DCLK2: variants seen among roughly 807,000 people sequenced by gnomAD.
The protein encoded by DCLK2 is serine/threonine-protein kinase DCLK2.
DCLK2 carries 31 observed loss-of-function variants against 78.4 expected under a neutral mutation model. The ratio of observed to expected loss-of-function variants is 0.40; its 90% CI spans 0.30 to 0.53. DCLK2 has a LOEUF of 0.53. Ranked by LOEUF, DCLK2 falls within the 20% of genes least tolerant of loss-of-function variation. DCLK2 has a pLI of 0.61. For synonymous variants in DCLK2, 407 were observed against 374.9 expected (o/e 1.09, Z -0.99); for missense variants, 872 against 973.7 (o/e 0.90, Z 1.39).
At chr4:150,242,192 G>A (rs528231168) in intron 12 of DCLK2, among the ~76,000 whole-genome samples, 37 of 152,258 alleles carry the variant, frequency 2.4e-4, no homozygotes, top group Non-Finnish European at 4.0e-4. Context: ...AAAGCCTTAT[G>A]CTATAGATAA....
At chr4:150,108,436 C>T (rs551942103) in intron 2 of DCLK2, among the ~76,000 whole-genome samples, 5 of 151,490 alleles carry the variant, frequency 3.3e-5, no homozygotes, top group South Asian at 4.2e-4. Flanking sequence ...CCCAGCTACA[C>T]GGGAGGCTGA....
intron 2 of DCLK2, among the ~76,000 whole-genome samples, chr4:150,175,195 C>CTA (rs1446507759): frequency 1.2e-5 from 1 of 81,190 alleles, no homozygotes; most frequent in African/African-American, 5.8e-5. Flanking sequence ...TATAATTTAT[C>CTA]TATATATATT....
In DCLK2 at chr4:150,166,511, A is replaced by C. The variant is rs183849603; in HGVS notation, c.757-26627A>C. 1.5e-4 allele frequency among the ~76,000 whole-genome samples: 23 copies of C among 152,186 alleles called. No homozygotes were observed. The East Asian group carries it at 4.3e-3, about 28-fold the overall frequency. ...CCTGTCTCAAAAAAAAGTACAAAAA[A>C]CAAAAACCGATATTCTACTTGTCCC... is the stretch of plus-strand genomic sequence containing the variant. On this transcript the variant is annotated intron_variant, in intron 2 of 15. Coordinates refer to ENST00000296550, the MANE Select transcript of DCLK2 (RefSeq NM_001040260.4).
chr4:150,194,485 A>G (rs1170857890), intron 3 of DCLK2, among the ~76,000 whole-genome samples: 1 of 151,894 alleles, frequency 6.6e-6, no homozygotes, highest in South Asian at 2.1e-4. Flanking sequence ...TTTTGCCAAT[A>G]TATGGCATTT....
intron 2 of DCLK2, among the ~76,000 whole-genome samples, chr4:150,120,352 A>G (rs1732431182): frequency 6.6e-6 from 1 of 152,174 alleles, no homozygotes; most frequent in South Asian, 2.1e-4. Flanking sequence ...CAGTTTAAGA[A>G]GCTCTCCTAT....
At chr4:150,166,342 A>G (rs1386801660) in intron 2 of DCLK2, among the ~76,000 whole-genome samples, 3 of 147,468 alleles carry the variant, frequency 2.0e-5, no homozygotes, top group Admixed American at 6.6e-5. Flanking sequence ...ATTTTTAAAA[A>G]AATTAGCCAG....
chr4:150,123,158 C>T (rs370743608), intron 2 of DCLK2, among the ~76,000 whole-genome samples: 1 of 152,268 alleles, frequency 6.6e-6, no homozygotes, highest in African/African-American at 2.4e-5. Flanking sequence ...CTTCATAACT[C>T]AACTGTTTGG....
intron 10 of DCLK2, among the ~76,000 whole-genome samples, chr4:150,238,444 A>T (rs923726781): frequency 6.6e-6 from 1 of 152,182 alleles, no homozygotes; most frequent in Non-Finnish European, 1.5e-5. Flanking sequence ...GGTTTTGAGA[A>T]GTAGACTTAT....
At chr4:150,138,771 ATTC>A (rs1245322588) in intron 2 of DCLK2, among the ~76,000 whole-genome samples, 2 of 151,960 alleles carry the variant, frequency 1.3e-5, no homozygotes, top group Non-Finnish European at 2.9e-5. Flanking sequence ...GGTTCAAGCA[ATTC>A]TTCTGCCTCA....
At chr4:150,199,350 C>T (rs1215803486) in intron 4 of DCLK2, among the ~76,000 whole-genome samples, 1 of 152,212 alleles carries the variant, frequency 6.6e-6, no homozygotes, top group East Asian at 1.9e-4. Flanking sequence ...AGGGGTCCAT[C>T]TTCTAGTTAA....
In DCLK2 at chr4:150,175,941, T is replaced by C. The variant is rs141776778; in HGVS notation, c.757-17197T>C. On this transcript the variant is annotated intron_variant, in intron 2 of 15. Transcript: ENST00000296550. Reference sequence around the variant, plus strand: ...CTCCTGCACTGAGGTCTACACGGGCTCCCATTTATCTTTGCCTGTGCTGTA... The same window carrying C: ...CTCCTGCACTGAGGTCTACACGGGCCCCCATTTATCTTTGCCTGTGCTGTA... 1.0e-2 allele frequency among the ~76,000 whole-genome samples: 1,518 copies of C among 152,304 alleles called. 27 individuals are homozygous for C. The highest frequency in any genetic ancestry group is 0.034 in the African/African-American group (1,429 of 41,562).
intron 8 of DCLK2, among the ~76,000 whole-genome samples, chr4:150,225,838 G>A (rs1424874161): frequency 6.6e-6 from 1 of 152,042 alleles, no homozygotes; most frequent in East Asian, 1.9e-4. Context: ...TGTATTCCTG[G>A]CCCTGCCTCT....
In DCLK2 at chr4:150,091,985, C is replaced by A. The variant is rs1441083143; in HGVS notation, c.422-10493C>A. ...CTCCCATTTTCTCTTCCCCTCACCC[C>A]CTGGCAAACACTATTCTAGTCTCTG... On this transcript the variant is annotated intron_variant, in intron 1 of 15. Coordinates refer to ENST00000296550, the MANE Select transcript of DCLK2 (RefSeq NM_001040260.4). Among the ~76,000 whole-genome samples, 4 of 152,220 alleles carry A rather than the reference C, an allele frequency of 2.6e-5. No individual in the cohort carries two copies. The East Asian group carries it at 7.7e-4, about 29-fold the overall frequency.
chr4:150,232,322 C>A lies in DCLK2; in HGVS notation c.1300-15C>A. ...TGTGATTTCTGATCTCCTCTCTATACCGTTCATTTGACAGGAACACCTGAT... is the reference window on the plus strand; with the variant it reads ...TGTGATTTCTGATCTCCTCTCTATAACGTTCATTTGACAGGAACACCTGAT... On this transcript the variant is annotated splice_polypyrimidine_tract_variant and intron_variant, in intron 8 of 15. Transcript: ENST00000296550. The A allele has an allele frequency of 6.2e-7, 1 of 1,613,070 alleles. No individual in the cohort carries two copies. The highest frequency in any genetic ancestry group is 8.5e-7 in the Non-Finnish European group (1 of 1,179,558).
chr4:150,234,603 C>G (rs979806409), intron 10 of DCLK2, among the ~76,000 whole-genome samples: 1 of 152,122 alleles, frequency 6.6e-6, no homozygotes, highest in African/African-American at 2.4e-5. Context: ...CCAGAGTACC[C>G]GTCTTTTCTT....
At chr4:150,150,575 A>AT (rs368807027) in intron 2 of DCLK2, among the ~76,000 whole-genome samples, 1 of 152,218 alleles carries the variant, frequency 6.6e-6, no homozygotes, top group Non-Finnish European at 1.5e-5. Flanking sequence ...TGTAGCATTT[A>AT]TTTTTTTAAA....
intron 7 of DCLK2, 65 bp downstream of exon 7, chr4:150,221,850 T>C (rs752100061): frequency 2.2e-5 from 23 of 1,028,484 alleles, no homozygotes; most frequent in Non-Finnish European, 3.0e-5. Context: ...CTGTATCATC[T>C]ACAGATACAG....
rs1241843227 is a variant in DCLK2, at chr4:150,079,249, G to A, written c.222G>A (p.Ala74=). Residue 74 remains alanine, a synonymous_variant, in exon 1 of 16, where the codon GCG becomes GCA. Coordinates refer to ENST00000296550, the MANE Select transcript of DCLK2 (RefSeq NM_001040260.4). ...GCTCGGAGAAGAAGGCCAAGAAGGC[G>A]CGCTTCTACCGGAACGGGGACCGCT... ...ALSSEKKAKK[A]RFYRNGDRYF... is the part of the protein sequence containing the mutation. 3.7e-6 allele frequency: 6 copies of A among 1,608,014 alleles called. No individual in the cohort carries two copies. Among genetic ancestry groups the A allele is most frequent in the South Asian group, 1.1e-5 (1 of 90,002 alleles).
intron 2 of DCLK2, among the ~76,000 whole-genome samples, chr4:150,176,154 C>A (rs1262366933): frequency 6.6e-6 from 1 of 152,174 alleles, no homozygotes; most frequent in East Asian, 1.9e-4. Flanking sequence ...TGCCTAAGCC[C>A]CATGGTTTTC....
Sources: gnomAD v4.1 joint callset for allele counts (sites outside exome capture counted in the v4.1 genomes callset) on GRCh38, gnomAD v4.1.1 for gene constraint, MANE v1.5 for transcripts, NCBI Gene and HGNC (gene_info 2026-07-23, HGNC 2026-07-21) for gene names.